The following UBE2H variants were observed in gnomAD, a reference collection of about 807,000 sequenced individuals.
UBE2H encodes ubiquitin-conjugating enzyme E2 H.
In UBE2H, 3 loss-of-function variants were observed where a neutral mutation model predicts 29.0. The ratio of observed to expected loss-of-function variants is 0.10; its 90% CI spans 0.05 to 0.27. The LOEUF is 0.27. UBE2H is among the 10% of genes least tolerant of loss of function. UBE2H has a pLI of 1.00. For synonymous variants in UBE2H, 69 were observed against 82.9 expected, an observed-to-expected ratio of 0.83 and a Z score of 0.91; for missense variants, 68 against 228.2, an observed-to-expected ratio of 0.30 and a Z score of 4.52.
chr7:129,918,778 C>T (rs1432609664), intron 1 of UBE2H, among the ~76,000 whole-genome samples: 1 of 152,086 alleles, frequency 6.6e-6, no homozygotes, highest in Non-Finnish European at 1.5e-5. Context: ...ATATGTTTAA[C>T]ATGTAAGAAA....
chr7:129,949,208 G>C (rs1476609268), intron 1 of UBE2H: 2 of 322,824 alleles, frequency 6.2e-6, no homozygotes, highest in Non-Finnish European at 1.3e-5. Context: ...TCCTCCACCA[G>C]GGAGAACTTA....
chr7:129,914,136 A>C lies in UBE2H; in HGVS notation c.54-33165T>G, dbSNP rs550171870. 3.3e-5 allele frequency among the ~76,000 whole-genome samples: 5 copies of C among 152,174 alleles called. No homozygotes were observed. The South Asian group carries it at 1.0e-3, about 32-fold the overall frequency. ...GGTGCAACATAGCTGCCAGCAGACA[A>C]CGTATCAAGTTCCCAACAGCCACCT... is the stretch of plus-strand genomic sequence containing the variant. On this transcript the variant is annotated intron_variant, in intron 1 of 6. Coordinates refer to ENST00000355621, the MANE Select transcript of UBE2H (RefSeq NM_003344.4).
At chr7:129,874,717 T>C (rs776783772) in intron 3 of UBE2H, among the ~76,000 whole-genome samples, 46 of 151,746 alleles carry the variant, frequency 3.0e-4, no homozygotes, top group Non-Finnish European at 2.8e-4. Context: ...TTTCAGTTCA[T>C]ATGAAGAGAA....
At chr7:129,866,790 G>A (rs1805912363) in intron 3 of UBE2H, among the ~76,000 whole-genome samples, 1 of 152,190 alleles carries the variant, frequency 6.6e-6, no homozygotes, top group African/African-American at 2.4e-5. Flanking sequence ...ATGCCACTGT[G>A]TGAGCCTCTG....
intron 1 of UBE2H, among the ~76,000 whole-genome samples, chr7:129,916,853 C>T (rs574521398): frequency 2.0e-5 from 3 of 152,166 alleles, no homozygotes; most frequent in African/African-American, 4.8e-5. Flanking sequence ...CTGGCTAACA[C>T]GGTGAAACCC....
intron 5 of UBE2H, among the ~76,000 whole-genome samples, chr7:129,853,663 T>C (rs556465122): frequency 2.0e-5 from 3 of 152,234 alleles, no homozygotes; most frequent in South Asian, 2.1e-4. Context: ...AATAAACAAA[T>C]TGCACATACA....
chr7:129,861,464 G>C (rs919204281), intron 3 of UBE2H, among the ~76,000 whole-genome samples: 1 of 152,154 alleles, frequency 6.6e-6, no homozygotes, highest in Non-Finnish European at 1.5e-5. Flanking sequence ...GAAAAGGCTA[G>C]AAGAAAACAG....
At chr7:129,848,790 T>G (rs1805557099) in intron 5 of UBE2H, among the ~76,000 whole-genome samples, 1 of 151,714 alleles carries the variant, frequency 6.6e-6, no homozygotes, top group African/African-American at 2.4e-5. Context: ...ACAATTATTT[T>G]TGGTGGTGGT....
At chr7:129,950,302 A>G (rs1807848249) in intron 1 of UBE2H, among the ~76,000 whole-genome samples, 2 of 152,312 alleles carry the variant, frequency 1.3e-5, no homozygotes, top group South Asian at 4.1e-4. Flanking sequence ...TTTGTCAGAA[A>G]GGAAGGAAGG....
At chr7:129,951,557 G>C (rs1376059429) in intron 1 of UBE2H, among the ~76,000 whole-genome samples, 1 of 152,142 alleles carries the variant, frequency 6.6e-6, no homozygotes, top group Non-Finnish European at 1.5e-5. Flanking sequence ...GAAATAATCA[G>C]TCTGGACTCC....
chr7:129,854,075 T>TTTATTTTTTTTATTTTTTTTA (rs1364323952), intron 5 of UBE2H, among the ~76,000 whole-genome samples: 2 of 150,094 alleles, frequency 1.3e-5, no homozygotes, highest in African/African-American at 2.4e-5. Flanking sequence ...TTTTTTTTTT[T>TTTATTTTTTTTATTTTTTTTA]TTTTTTTGGC....
At chr7:129,850,819 AAGAAAGAGAGAGAGAG>A (rs1201516571) in intron 5 of UBE2H, among the ~76,000 whole-genome samples, 1 of 149,994 alleles carries the variant, frequency 6.7e-6, no homozygotes, top group African/African-American at 2.5e-5. Context: ...TGTCTCAAAA[AAGAAAGAGAGAGAGAG>A]AGAAAGAGAG....
chr7:129,937,950 C>G lies in UBE2H; in HGVS notation c.53+14553G>C, dbSNP rs144717546. Among the ~76,000 whole-genome samples the G allele has an allele frequency of 2.0e-5, 3 of 152,174 alleles. No individual in the cohort carries two copies. The East Asian group carries it at 5.8e-4, about 29-fold the overall frequency. ...TCAGTTCCCTTGATAATTGTGTTAT[C>G]AAACACATATTGTGTTCAATGTTTT... On this transcript the variant is annotated intron_variant, in intron 1 of 6. Transcript: ENST00000355621.
intron 1 of UBE2H, among the ~76,000 whole-genome samples, chr7:129,925,330 G>GAGCA (rs1392469006): frequency 6.6e-6 from 1 of 151,278 alleles, no homozygotes; most frequent in Non-Finnish European, 1.5e-5. Context: ...CTGGGCAACA[G>GAGCA]AGCAAGACTC....
intron 5 of UBE2H, chr7:129,839,711 T>A: frequency 3.9e-6 from 1 of 255,350 alleles, no homozygotes; most frequent in Non-Finnish European, 7.4e-6. Flanking sequence ...TGGGGTTTTT[T>A]TGTTTGTTTT....
chr7:129,884,416 CAA>C (rs769298737), intron 1 of UBE2H, among the ~76,000 whole-genome samples: 21 of 82,378 alleles, frequency 2.5e-4, no homozygotes, highest in African/African-American at 6.9e-4. Context: ...GACTCCATCT[CAA>C]AAAAAAAAAA....
At chr7:129,866,937 C>T (rs898342440) in intron 3 of UBE2H, among the ~76,000 whole-genome samples, 10 of 152,244 alleles carry the variant, frequency 6.6e-5, no homozygotes, top group Non-Finnish European at 1.5e-4. Flanking sequence ...AACTGGCATA[C>T]AGTAAGCATG....
chr7:129,926,017 C>A (rs1372478578), intron 1 of UBE2H, among the ~76,000 whole-genome samples: 1 of 151,408 alleles, frequency 6.6e-6, no homozygotes, highest in African/African-American at 2.4e-5. Flanking sequence ...TATAAAATAA[C>A]CTCAAAACAA....
chr7:129,871,982 G>A (rs1263924471), intron 3 of UBE2H, among the ~76,000 whole-genome samples: 9 of 151,992 alleles, frequency 5.9e-5, no homozygotes, highest in East Asian at 1.9e-4. Flanking sequence ...GAGTAGCTGG[G>A]ATTACAGGCA....
Sources: allele counts gnomAD v4.1 joint callset (sites outside exome capture counted in the v4.1 genomes callset), GRCh38; gene constraint gnomAD v4.1.1; transcripts MANE v1.5; gene names NCBI Gene and HGNC (gene_info 2026-07-23, HGNC 2026-07-21).